The following LHPP variants were observed in gnomAD, a reference collection of about 807,000 sequenced individuals.
LHPP encodes hLHPP.
In LHPP, 24 loss-of-function variants were observed where a neutral mutation model predicts 30.3. The observed-to-expected ratio is 0.79, with a 90% CI of 0.57 to 1.11. The LOEUF is 1.11. LHPP is among the 50% of genes most tolerant of loss of function. The pLI, the probability that LHPP is intolerant of heterozygous loss-of-function variation, is 0.00. For missense variants in LHPP, 356 were observed against 367.2 expected (o/e 0.97, Z 0.25); for synonymous variants, 150 against 157.1 (o/e 0.95, Z 0.34).
chr10:124,500,871 C>T (rs957758959), intron 5 of LHPP, among the ~76,000 whole-genome samples: 4 of 151,918 alleles, frequency 2.6e-5, no homozygotes, highest in Non-Finnish European at 5.9e-5. Flanking sequence ...TAGAATTTGC[C>T]GTATGACTCA....
intron 6 of LHPP, among the ~76,000 whole-genome samples, chr10:124,556,571 C>T (rs1948303793): frequency 6.6e-6 from 1 of 152,168 alleles, no homozygotes; most frequent in South Asian, 2.1e-4. Context: ...AAAGGGTATG[C>T]AAAATTCTAA....
At chr10:124,486,790 A>T (rs369827566) in intron 2 of LHPP, among the ~76,000 whole-genome samples, 1 of 152,174 alleles carries the variant, frequency 6.6e-6, no homozygotes, top group Non-Finnish European at 1.5e-5. Flanking sequence ...TGTTCACTGT[A>T]AGCCAAGCTG....
chr10:124,474,429 C>T (rs546056427), intron 1 of LHPP, among the ~76,000 whole-genome samples: 9 of 152,152 alleles, frequency 5.9e-5, no homozygotes, highest in East Asian at 3.9e-4. Context: ...TATGAACCAC[C>T]GTGCCCGGCC....
intron 6 of LHPP, among the ~76,000 whole-genome samples, chr10:124,595,454 T>C (rs1219161313): frequency 1.3e-5 from 2 of 152,252 alleles, no homozygotes; most frequent in Non-Finnish European, 2.9e-5. Context: ...GCTGGAGCCT[T>C]GGCTGCCATA....
At position 124,510,066 on chromosome 10, in the gene LHPP, C is replaced by G. The variant is rs1303144993; in HGVS notation, c.625-7114C>G. Among the ~76,000 whole-genome samples, 1 of 152,070 alleles carries G rather than the reference C, an allele frequency of 6.6e-6. No homozygotes were observed. Among genetic ancestry groups the G allele is most frequent in the Non-Finnish European group, 1.5e-5 (1 of 68,010 alleles). On this transcript the variant is annotated intron_variant, in intron 5 of 6. Coordinates refer to ENST00000368842, the MANE Select transcript of LHPP (RefSeq NM_022126.4). The surrounding 1 kb of genome is among the most constrained non-coding windows in gnomAD (Gnocchi z 4.0). ...GGGACTGTGGCGCCTCCATCCGGCT[C>G]TCTGGATCCTGGGTTCTGGGGGGTC... is the stretch of plus-strand genomic sequence containing the variant.
At chr10:124,472,437 C>T (rs1199476304) in intron 1 of LHPP, among the ~76,000 whole-genome samples, 4 of 152,164 alleles carry the variant, frequency 2.6e-5, no homozygotes, top group Non-Finnish European at 5.9e-5. Context: ...TTTATCCAGA[C>T]TTCAGACTGT....
At chr10:124,497,110 T>G (rs1376639058) in intron 4 of LHPP, 86 bp downstream of exon 4, 1 of 1,054,096 alleles carries the variant, frequency 9.5e-7, no homozygotes, top group East Asian at 2.4e-5. Context: ...GAGGCTGTGC[T>G]TAATTAACGT....
intron 1 of LHPP, among the ~76,000 whole-genome samples, chr10:124,466,749 G>A (rs886454419): frequency 1.9e-4 from 29 of 151,850 alleles, no homozygotes; most frequent in Admixed American, 1.6e-3. Context: ...GAGCCACCGC[G>A]CCCAGCCTGC....
At chr10:124,464,311 C>A (rs1007402666) in intron 1 of LHPP, among the ~76,000 whole-genome samples, 5 of 152,168 alleles carry the variant, frequency 3.3e-5, no homozygotes, top group African/African-American at 1.2e-4. Flanking sequence ...ACTCAATATA[C>A]CTATCTGTAG....
intron 6 of LHPP, among the ~76,000 whole-genome samples, chr10:124,568,380 A>G (rs1948526816): frequency 6.6e-6 from 1 of 151,706 alleles, no homozygotes; most frequent in Admixed American, 6.6e-5. Context: ...TTTGCCTGCA[A>G]CCCCCATCCC....
intron 5 of LHPP, among the ~76,000 whole-genome samples, chr10:124,500,689 C>A (rs1953871721): frequency 6.6e-6 from 1 of 151,332 alleles, no homozygotes; most frequent in African/African-American, 2.4e-5. Context: ...GATCAAAACT[C>A]CAGTGAGATA....
chr10:124,574,322 C>T (rs1402387668), intron 6 of LHPP, among the ~76,000 whole-genome samples: 1 of 152,142 alleles, frequency 6.6e-6, no homozygotes, highest in African/African-American at 2.4e-5. Flanking sequence ...GCAGCAGGCT[C>T]GCCCCCCTGC....
chr10:124,594,466 A>G (rs919899884), intron 6 of LHPP, among the ~76,000 whole-genome samples: 9 of 152,054 alleles, frequency 5.9e-5, no homozygotes, highest in African/African-American at 2.2e-4. Context: ...ACGTGCACAT[A>G]TAAGTCTTCT....
At chr10:124,607,549 C>T (rs1405344036) in intron 6 of LHPP, among the ~76,000 whole-genome samples, 3 of 152,196 alleles carry the variant, frequency 2.0e-5, no homozygotes, top group Non-Finnish European at 2.9e-5. Flanking sequence ...TGGGGCTGGC[C>T]GGATTCTCAT....
At chr10:124,533,900 G>A (rs1412899424) in intron 6 of LHPP, among the ~76,000 whole-genome samples, 2 of 152,244 alleles carry the variant, frequency 1.3e-5, no homozygotes, top group Non-Finnish European at 2.9e-5. Context: ...TGGAATGCAG[G>A]GGCTGAGGCA....
At chr10:124,527,732 C>T (rs76218293) in intron 6 of LHPP, among the ~76,000 whole-genome samples, 528 of 152,138 alleles carry the variant, frequency 3.5e-3, no homozygotes, top group Non-Finnish European at 6.0e-3. Context: ...AGTCCCCTGC[C>T]GCGTGCTAAC....
chr10:124,584,798 C>T (rs78095737), intron 6 of LHPP, among the ~76,000 whole-genome samples: 20,290 of 152,122 alleles, frequency 0.13, 1,832 homozygotes, highest in Non-Finnish European at 0.2. Flanking sequence ...TTTCTTTTAA[C>T]AAGTATCATT....
intron 6 of LHPP, among the ~76,000 whole-genome samples, chr10:124,556,786 T>C (rs958670088): frequency 6.6e-6 from 1 of 152,244 alleles, no homozygotes; most frequent in African/African-American, 2.4e-5. Context: ...TTTTCTGTCT[T>C]CCTCAGTCGC....
chr10:124,544,234 C>T (rs536163960), intron 6 of LHPP, among the ~76,000 whole-genome samples: 32 of 152,138 alleles, frequency 2.1e-4, no homozygotes, highest in African/African-American at 7.5e-4. Context: ...CGCCCCCATG[C>T]AGTCATGCTG....
Sources: gnomAD v4.1 joint callset for allele counts (sites outside exome capture counted in the v4.1 genomes callset) on GRCh38, gnomAD v4.1.1 for gene constraint, Gnocchi (gnomAD v3.1) non-coding constraint, MANE v1.5 for transcripts, NCBI Gene and HGNC (gene_info 2026-07-23, HGNC 2026-07-21) for gene names.